The following PICALM variants were observed in gnomAD, a reference collection of about 807,000 sequenced individuals.
The protein encoded by PICALM is phosphatidylinositol binding clathrin assembly protein, also known as phosphatidylinositol-binding clathrin assembly protein.
A neutral mutation model predicts 80.5 loss-of-function variants in PICALM; 40 were observed. The ratio of observed to expected loss-of-function variants is 0.50; its 90% CI spans 0.39 to 0.65. The LOEUF is 0.65. Among genes scored for constraint, PICALM ranks in the 30% least tolerant of loss-of-function variants. The pLI is 0.00. For synonymous variants in PICALM, 288 were observed against 260.3 expected, an observed-to-expected ratio of 1.11 and a Z score of -1.02; for missense variants, 676 against 778.9, an observed-to-expected ratio of 0.87 and a Z score of 1.57.
At chr11:86,008,686 T>G (rs531841110) in intron 7 of PICALM, among the ~76,000 whole-genome samples, 87 of 152,096 alleles carry the variant, frequency 5.7e-4, no homozygotes, top group Non-Finnish European at 1.1e-3. Flanking sequence ...GCCTGATATA[T>G]TTGTCCTCCT....
chr11:85,983,722 C>T (rs961285407), intron 14 of PICALM, 144 bp downstream of exon 14: 4 of 467,890 alleles, frequency 8.5e-6, no homozygotes, highest in African/African-American at 6.1e-5. Flanking sequence ...TTGAAGTTCT[C>T]ATCTAGTGCT....
At chr11:85,960,912 G>GA (rs2093666714) in intron 19 of PICALM, 1 of 310,616 alleles carries the variant, frequency 3.2e-6, no homozygotes, top group Non-Finnish European at 6.2e-6. Context: ...AGTCTTTGTA[G>GA]AAAATGGATT....
intron 17 of PICALM, among the ~76,000 whole-genome samples, chr11:85,977,827 C>T (rs921013038): frequency 3.9e-5 from 6 of 152,166 alleles, no homozygotes; most frequent in African/African-American, 1.4e-4. Flanking sequence ...CACACAGACA[C>T]CCAGCCATCT....
intron 2 of PICALM, among the ~76,000 whole-genome samples, chr11:86,028,629 G>T (rs532276711): frequency 1.5e-4 from 23 of 152,184 alleles, no homozygotes; most frequent in African/African-American, 5.5e-4. Context: ...CTCCAGAAGT[G>T]ACTTACCCAA....
intron 1 of PICALM, among the ~76,000 whole-genome samples, chr11:86,053,643 C>T (rs2096226719): frequency 6.6e-6 from 1 of 152,164 alleles, no homozygotes; most frequent in African/African-American, 2.4e-5. Flanking sequence ...TCTCGGCTCA[C>T]TATAACCTCT....
intron 2 of PICALM, among the ~76,000 whole-genome samples, chr11:86,029,875 A>G (rs1031311559): frequency 4.6e-5 from 7 of 152,228 alleles, no homozygotes; most frequent in Admixed American, 1.3e-4. Context: ...TATTAGCTCT[A>G]TCAACTGGTT....
intron 1 of PICALM, among the ~76,000 whole-genome samples, chr11:86,048,396 C>T (rs2096114785): frequency 1.3e-5 from 2 of 151,930 alleles, no homozygotes; most frequent in Non-Finnish European, 2.9e-5. Flanking sequence ...TGCAAGAATA[C>T]GATGAACAAA....
At chr11:85,984,046 C>T (rs980525797) in intron 13 of PICALM, 73 bp from the exon 14 acceptor site, 2 of 679,976 alleles carry the variant, frequency 2.9e-6, no homozygotes, top group East Asian at 3.1e-5. Flanking sequence ...ATAATGATGA[C>T]AATAGAATGG....
chr11:86,024,660 G>C (rs1475709891), intron 3 of PICALM, among the ~76,000 whole-genome samples: 1 of 151,826 alleles, frequency 6.6e-6, no homozygotes, highest in Non-Finnish European at 1.5e-5. Context: ...AAAAATTTTT[G>C]TGCTTGATTT....
intron 19 of PICALM, among the ~76,000 whole-genome samples, chr11:85,972,517 C>T (rs2094142946): frequency 6.6e-6 from 1 of 152,152 alleles, no homozygotes; most frequent in South Asian, 2.1e-4. Context: ...AATCGGCTAA[C>T]ACAATGTATG....
intron 1 of PICALM, among the ~76,000 whole-genome samples, chr11:86,043,023 G>T (rs1346885304): frequency 1.3e-5 from 2 of 152,004 alleles, no homozygotes. Context: ...GGTTTTGCTG[G>T]AACAGTCCTG....
chr11:86,036,400 A>C (rs565861059), intron 1 of PICALM, among the ~76,000 whole-genome samples: 5 of 152,328 alleles, frequency 3.3e-5, no homozygotes, highest in African/African-American at 1.2e-4. Context: ...GAGAAACACA[A>C]TGTTTTATTT....
Position 86,000,633 on chromosome 11 carries a change from C to A in PICALM, c.1154+10G>T. 6.2e-7 allele frequency: 1 copy of A among 1,608,308 alleles called. No homozygotes were observed. On this transcript the variant is annotated intron_variant, in intron 11 of 19. Transcript: ENST00000393346. ...ACATATTCAAAGGTAACCTTAACTT[C>A]TACTCCTACCTGTTAGAAGAACTAG... is the stretch of plus-strand genomic sequence containing the variant.
chr11:85,966,431 G>C (rs1332822614), intron 19 of PICALM, among the ~76,000 whole-genome samples: 1 of 152,158 alleles, frequency 6.6e-6, no homozygotes, highest in Non-Finnish European at 1.5e-5. Context: ...TCCAAAAACA[G>C]GGCAACCTTT....
intron 18 of PICALM, among the ~76,000 whole-genome samples, chr11:85,975,524 GT>G (rs2094249932): frequency 6.9e-6 from 1 of 144,676 alleles, no homozygotes; most frequent in Non-Finnish European, 1.5e-5. Flanking sequence ...TCTATTTATT[GT>G]TTCAAGCAGA....
chr11:86,041,062 T>C (rs1208265307), intron 1 of PICALM, among the ~76,000 whole-genome samples: 2 of 152,136 alleles, frequency 1.3e-5, no homozygotes, highest in African/African-American at 4.8e-5. Flanking sequence ...TCTTAACTCA[T>C]CATACAATAG....
At chr11:86,013,760 C>A (rs1026295637) in intron 5 of PICALM, among the ~76,000 whole-genome samples, 2 of 152,158 alleles carry the variant, frequency 1.3e-5, no homozygotes, top group African/African-American at 2.4e-5. Flanking sequence ...CCCATGCCTT[C>A]TAGAGCAGGG....
chr11:86,033,300 GTATGT>G (rs1379339580), intron 1 of PICALM, among the ~76,000 whole-genome samples: 1 of 151,970 alleles, frequency 6.6e-6, no homozygotes, highest in Non-Finnish European at 1.5e-5. Context: ...ACTGTACTAT[GTATGT>G]TATAAAACAT....
chr11:86,003,951 A>C (rs1304746086), intron 8 of PICALM, among the ~76,000 whole-genome samples: 1 of 152,198 alleles, frequency 6.6e-6, no homozygotes, highest in African/African-American at 2.4e-5. Context: ...CTGCAGTATC[A>C]AATGTTGGTG....
Sources: gnomAD v4.1 joint callset for allele counts (sites outside exome capture counted in the v4.1 genomes callset) on GRCh38, gnomAD v4.1.1 for gene constraint, MANE v1.5 for transcripts, NCBI Gene and HGNC (gene_info 2026-07-23, HGNC 2026-07-21) for gene names.